NUTM2B: variants seen among roughly 807,000 people sequenced by gnomAD.
NUTM2B encodes the protein NUT family member 2B.
In NUTM2B, 2 loss-of-function variants were observed where a neutral mutation model predicts 42.4. The ratio of observed to expected loss-of-function variants is 0.05; its 90% CI spans 0.02 to 0.15. NUTM2B has a LOEUF of 0.15. Among genes scored for constraint, NUTM2B ranks in the 10% least tolerant of loss-of-function variants. The probability of loss-of-function intolerance (pLI) is 1.00; values close to 1 mark genes in which losing one functional copy is unlikely to be tolerated. For synonymous variants in NUTM2B, 18 were observed against 402.4 expected (o/e 0.04, Z 11.43); for missense variants, 58 against 952.6 (o/e 0.06, Z 12.36).
intron 2 of NUTM2B, among the ~76,000 whole-genome samples, 169 bp downstream of exon 2, chr10:79,706,910 G>A (rs1840403894): frequency 9.1e-6 from 1 of 109,662 alleles, no homozygotes; most frequent in Non-Finnish European, 1.7e-5. Flanking sequence ...CTGCGGCTCA[G>A]GACAGACTGT....
At chr10:79,709,639 CTG>C (rs1417152479) in intron 3 of NUTM2B, among the ~76,000 whole-genome samples, 159 bp from the exon 4 acceptor site, 19 of 133,092 alleles carry the variant, frequency 1.4e-4, no homozygotes, top group Non-Finnish European at 2.9e-4. Context: ...GCCCGGAACT[CTG>C]GGAGCAGTTT....
At chr10:79,709,420 G>T (rs1350737051) in intron 3 of NUTM2B, among the ~76,000 whole-genome samples, 4 of 133,876 alleles carry the variant, frequency 3.0e-5, no homozygotes, top group African/African-American at 1.1e-4. Context: ...CGTGCCCCTG[G>T]GTTATCTTTC....
At chr10:79,701,549 G>C (rs1373271769), upstream of NUTM2B, among the ~76,000 whole-genome samples, 1 of 151,980 alleles carries the variant, frequency 6.6e-6, no homozygotes, top group Non-Finnish European at 1.5e-5. Flanking sequence ...CCTTCACGTT[G>C]ATGCAGTCCC....
the NUTM2B span, among the ~76,000 whole-genome samples, chr10:79,693,746 C>T: frequency 2.6e-5 from 4 of 152,192 alleles, no homozygotes; most frequent in Middle Eastern, 3.2e-3. Context: ...GACAGAGCTC[C>T]ATTCCGCCAA....
chr10:79,697,629 G>A, the NUTM2B span, among the ~76,000 whole-genome samples: 1 of 152,228 alleles, frequency 6.6e-6, no homozygotes, highest in East Asian at 1.9e-4. Flanking sequence ...TTTGCAAACA[G>A]CTCAGTGGAA....
At chr10:79,701,533 G>A (rs1261834269), upstream of NUTM2B, among the ~76,000 whole-genome samples, 3 of 151,974 alleles carry the variant, frequency 2.0e-5, no homozygotes, top group Middle Eastern at 3.2e-3. Context: ...TGATAACACT[G>A]AAGAGCCTTC....
Position 79,705,117 on chromosome 10 carries a change from T to A in NUTM2B, c.383-925T>A, listed in dbSNP as rs2434102. On this transcript the variant is annotated intron_variant, in intron 1 of 6. Transcript: ENST00000429828. Reference sequence around the variant, plus strand: ...TTTTTGGTTGGTCACTATGTTCAGTTATTAGGAGCTCAAAGGAGAAGGGCC... The same window carrying A: ...TTTTTGGTTGGTCACTATGTTCAGTAATTAGGAGCTCAAAGGAGAAGGGCC... Among the ~76,000 whole-genome samples, 45 of 128,614 alleles carry A rather than the reference T, an allele frequency of 3.5e-4. 4 individuals are homozygous for A. Among genetic ancestry groups the A allele is most frequent in the African/African-American group, 9.5e-4 (33 of 34,622 alleles). The allele number at this position is 128,614 out of a possible 152,430, so 84.4% of individuals were successfully genotyped here.
At chr10:79,699,196 C>T (rs1840271232), upstream of NUTM2B, among the ~76,000 whole-genome samples, 1 of 151,786 alleles carries the variant, frequency 6.6e-6, no homozygotes, top group African/African-American at 2.4e-5. Flanking sequence ...GAGCGTACAT[C>T]CACAAAATAG....
the NUTM2B span, among the ~76,000 whole-genome samples, chr10:79,695,051 T>C: frequency 1.3e-5 from 2 of 152,318 alleles, no homozygotes; most frequent in South Asian, 4.2e-4. Flanking sequence ...CCCCAGGACC[T>C]GAGCCCGTGT....
At chr10:79,700,239 C>G (rs1250469254), upstream of NUTM2B, among the ~76,000 whole-genome samples, 1 of 152,268 alleles carries the variant, frequency 6.6e-6, no homozygotes, top group Admixed American at 6.5e-5. Context: ...TCATTCTGAT[C>G]AAGTCAACAA....
rs1316991127 is a variant in NUTM2B, at chr10:79,705,707, C to T, written c.383-335C>T. On this transcript the variant is annotated intron_variant, in intron 1 of 6. Transcript: ENST00000429828. ...CTGAGCACGCTGAGGACCACCAGGC[C>T]GCTGAGAGACTCATCCCTGACCCAT... Among the ~76,000 whole-genome samples, 3 of 145,410 alleles carry T rather than the reference C, an allele frequency of 2.1e-5. 1 individual carries two copies. The highest frequency in any genetic ancestry group is 4.6e-4 in the East Asian group (2 of 4,348).
intron 2 of NUTM2B, among the ~76,000 whole-genome samples, chr10:79,707,394 AC>A (rs1840412638): frequency 7.5e-6 from 1 of 133,042 alleles, no homozygotes; most frequent in African/African-American, 2.9e-5. Flanking sequence ...ACATGCTATG[AC>A]ACATTACATG....
At chr10:79,700,818 A>C (rs452721), upstream of NUTM2B, among the ~76,000 whole-genome samples, 3 of 124,960 alleles carry the variant, frequency 2.4e-5, 1 homozygote, top group African/African-American at 8.7e-5. Context: ...CTGCGGCGGC[A>C]CACGGGGCAG....
chr10:79,700,756 A>G (rs1364384686), upstream of NUTM2B, among the ~76,000 whole-genome samples: 1 of 152,148 alleles, frequency 6.6e-6, no homozygotes, highest in Non-Finnish European at 1.5e-5. Flanking sequence ...CGGCGCTGGG[A>G]GCGGTTGAGG....
upstream of NUTM2B, among the ~76,000 whole-genome samples, chr10:79,700,103 C>T (rs1452517731): frequency 6.6e-6 from 1 of 152,036 alleles, no homozygotes; most frequent in Non-Finnish European, 1.5e-5. Context: ...ACTTTGGCCA[C>T]ACTCTTGCAT....
the NUTM2B span, among the ~76,000 whole-genome samples, chr10:79,695,877 C>G: frequency 6.6e-6 from 1 of 151,430 alleles, no homozygotes; most frequent in Admixed American, 6.6e-5. Context: ...GAAGGAGCAA[C>G]CACCTGCCTA....
chr10:79,701,031 T>G (rs963116308), upstream of NUTM2B, among the ~76,000 whole-genome samples: 3 of 152,238 alleles, frequency 2.0e-5, no homozygotes, highest in Non-Finnish European at 4.4e-5. Flanking sequence ...ACACCCTTGC[T>G]GAAAGGTTTA....
At chr10:79,695,775 G>A in the NUTM2B span, among the ~76,000 whole-genome samples, 7 of 151,878 alleles carry the variant, frequency 4.6e-5, no homozygotes, top group East Asian at 4.0e-4. Context: ...CTGATCACAC[G>A]GACAATATCT....
Position 79,707,069 on chromosome 10 carries a change from G to T in NUTM2B, c.1082+328G>T, listed in dbSNP as rs1206222653. ...CTACGGTTTGGGTTTAGGTCTTTGA[G>T]TACACACCCCAGTGCCTCCCCTTTA... On this transcript the variant is annotated intron_variant, in intron 2 of 6. Transcript: ENST00000429828. Among the ~76,000 whole-genome samples the T allele has an allele frequency of 2.4e-5, 3 of 124,458 alleles. 1 individual carries two copies. Among genetic ancestry groups the T allele is most frequent in the African/African-American group, 6.6e-5 (2 of 30,278 alleles). The allele number at this position is 124,458 out of a possible 152,430, so 81.6% of individuals were successfully genotyped here.
Sources: gnomAD v4.1 joint callset for allele counts (sites outside exome capture counted in the v4.1 genomes callset) on GRCh38, gnomAD v4.1.1 for gene constraint, MANE v1.5 for transcripts, NCBI Gene and HGNC (gene_info 2026-07-23, HGNC 2026-07-21) for gene names.